The following JPH1 variants were observed in gnomAD, a reference collection of about 807,000 sequenced individuals.
JPH1 encodes the protein junctophilin 1, also known as junctophilin-1.
In JPH1, 12 loss-of-function variants were observed where a neutral mutation model predicts 53.6. That is an observed-to-expected ratio of 0.22 (90% confidence interval 0.14 to 0.36). The LOEUF is 0.36. Among genes scored for constraint, JPH1 ranks in the 10% least tolerant of loss-of-function variants. The probability of loss-of-function intolerance (pLI) is 1.00; values close to 1 mark genes in which losing one functional copy is unlikely to be tolerated. For missense variants in JPH1, 808 were observed against 905.5 expected, an observed-to-expected ratio of 0.89 and a Z score of 1.38; for synonymous variants, 375 against 363.8, an observed-to-expected ratio of 1.03 and a Z score of -0.35.
Position 74,321,250 on chromosome 8 carries a change from G to A in JPH1, c.38C>T (p.Thr13Ile). ...GGRFDFDDGG[T>I]YCGGWEEGKA... ...GCCCTCCTCCCAGCCGCCGCAGTAGGTGCCGCCATCGTCGAAGTCGAACCT... is the reference window on the plus strand; with the variant it reads ...GCCCTCCTCCCAGCCGCCGCAGTAGATGCCGCCATCGTCGAAGTCGAACCT... The change falls in exon 1 of 6, where the codon ACC becomes ATC. Residue 13 changes from threonine to isoleucine, a missense_variant. Thr to Ile is a moderately conservative substitution (Grantham distance 89). This residue lies in a region of JPH1 where 52 missense variants were observed against 93.6 expected (regional missense o/e 0.56). Transcript: ENST00000342232. This position sits in a 1 kb window ranked among gnomAD's most constrained non-coding sequence, Gnocchi z 4.3. The A allele has an allele frequency of 6.2e-7, 1 of 1,603,010 alleles. No homozygotes were observed. The highest frequency in any genetic ancestry group is 8.5e-7 in the Non-Finnish European group (1 of 1,174,814).
At chr8:74,274,618 T>C (rs1806796182) in intron 2 of JPH1, among the ~76,000 whole-genome samples, 1 of 152,206 alleles carries the variant, frequency 6.6e-6, no homozygotes, top group South Asian at 2.1e-4. Context: ...AGTTATACTG[T>C]TGCTTCGAGA....
In JPH1 at chr8:74,285,615, C is replaced by A. The variant is rs998726729; in HGVS notation, c.1140-26112G>T. 4.9e-5 allele frequency among the ~76,000 whole-genome samples: 7 copies of A among 143,260 alleles called. No individual in the cohort carries two copies. The South Asian group carries it at 6.5e-4, about 13-fold the overall frequency. 94.0% of individuals were successfully genotyped at this position (143,260 alleles called of 152,430 possible). A position where few individuals can be genotyped will look rare whatever the true frequency, so the allele number is the denominator to read the frequency against. ...AACTGACATGAGGCTATTTATGATTCTTCTTTATCCCACCTAGTGTGATTA... is the reference window on the plus strand; with the variant it reads ...AACTGACATGAGGCTATTTATGATTATTCTTTATCCCACCTAGTGTGATTA... On this transcript the variant is annotated intron_variant, in intron 2 of 5. Coordinates refer to ENST00000342232, the MANE Select transcript of JPH1 (RefSeq NM_020647.4).
intron 2 of JPH1, among the ~76,000 whole-genome samples, chr8:74,273,535 C>T (rs1425267197): frequency 6.6e-6 from 1 of 152,168 alleles, no homozygotes; most frequent in Admixed American, 6.5e-5. Flanking sequence ...ACTAGCACTG[C>T]CTTGACAACA....
intron 4 of JPH1, among the ~76,000 whole-genome samples, chr8:74,238,435 T>A (rs1302998448): frequency 6.6e-6 from 1 of 152,172 alleles, no homozygotes. Context: ...GAGGTCAGAG[T>A]GCCCTGCTCT....
intron 3 of JPH1, among the ~76,000 whole-genome samples, chr8:74,256,470 C>T (rs1806237828): frequency 6.6e-6 from 1 of 150,848 alleles, no homozygotes; most frequent in Non-Finnish European, 1.5e-5. Flanking sequence ...TGCAGCACAC[C>T]AACATGGCAC....
chr8:74,287,008 T>C (rs1165936637), intron 2 of JPH1, among the ~76,000 whole-genome samples: 1 of 152,230 alleles, frequency 6.6e-6, no homozygotes, highest in African/African-American at 2.4e-5. Context: ...ATGTAGGAGA[T>C]AGAACCCTAG....
intron 2 of JPH1, among the ~76,000 whole-genome samples, chr8:74,291,992 C>T (rs1231477547): frequency 3.9e-5 from 6 of 152,088 alleles, no homozygotes; most frequent in Non-Finnish European, 7.3e-5. Context: ...CACTTGTACA[C>T]AGAGTGGGGA....
intron 2 of JPH1, among the ~76,000 whole-genome samples, chr8:74,283,701 A>T (rs1020092791): frequency 1.3e-5 from 2 of 152,362 alleles, no homozygotes; most frequent in African/African-American, 4.8e-5. Context: ...TTCTTTTAAC[A>T]GCGTGCTGAG....
intron 2 of JPH1, among the ~76,000 whole-genome samples, chr8:74,288,583 C>T (rs752521640): frequency 3.3e-5 from 5 of 151,782 alleles, no homozygotes; most frequent in African/African-American, 4.8e-5. Flanking sequence ...GACAAGAAAA[C>T]GCAAGAGGGA....
intron 1 of JPH1, among the ~76,000 whole-genome samples, chr8:74,317,652 A>G (rs773314510): frequency 6.6e-6 from 1 of 152,216 alleles, no homozygotes; most frequent in South Asian, 2.1e-4. Flanking sequence ...AAAGAATGCT[A>G]TAATCACATC....
At chr8:74,295,480 T>C (rs977872339) in intron 2 of JPH1, among the ~76,000 whole-genome samples, 4 of 152,210 alleles carry the variant, frequency 2.6e-5, no homozygotes, top group African/African-American at 9.6e-5. Flanking sequence ...TGTAACAGTT[T>C]ATTTAGCACC....
chr8:74,312,849 A>T (rs550839815), intron 2 of JPH1, among the ~76,000 whole-genome samples: 1 of 152,016 alleles, frequency 6.6e-6, no homozygotes, highest in Non-Finnish European at 1.5e-5. Flanking sequence ...TTTTAAACAT[A>T]GCTAAGTAAC....
At chr8:74,297,944 ATT>A (rs1198474978) in intron 2 of JPH1, among the ~76,000 whole-genome samples, 2 of 152,208 alleles carry the variant, frequency 1.3e-5, no homozygotes, top group Non-Finnish European at 2.9e-5. Context: ...CTTGTCTAGC[ATT>A]TTGTCTTAAT....
chr8:74,308,174 T>A (rs555342902), intron 2 of JPH1, among the ~76,000 whole-genome samples: 2 of 152,342 alleles, frequency 1.3e-5, no homozygotes, highest in Admixed American at 1.3e-4. Context: ...ATACAAAAGC[T>A]AAGCCAATGT....
In JPH1 at chr8:74,315,316, G is replaced by A; in HGVS notation, c.684C>T (p.Ser228=). 1.2e-6 allele frequency: 2 copies of A among 1,613,896 alleles called. No individual in the cohort carries two copies. Among genetic ancestry groups the A allele is most frequent in the Non-Finnish European group, 1.7e-6 (2 of 1,180,028 alleles). ...TGCGCTTGCTCGAGATGGAAGACTTGGATTCGGACTTGCGAAGTTTCATGC... is the reference window on the plus strand; with the variant it reads ...TGCGCTTGCTCGAGATGGAAGACTTAGATTCGGACTTGCGAAGTTTCATGC... ...LGSMKLRKSE[S]KSSISSKRSS... is the part of the protein sequence containing the mutation. The change falls in exon 2 of 6, where the codon TCC becomes TCT. Residue 228 remains serine, a synonymous_variant. Coordinates refer to ENST00000342232, the MANE Select transcript of JPH1 (RefSeq NM_020647.4). This position sits in a 1 kb window ranked among gnomAD's most constrained non-coding sequence, Gnocchi z 6.3.
chr8:74,263,109 C>T (rs527708582), intron 2 of JPH1, among the ~76,000 whole-genome samples: 1 of 152,304 alleles, frequency 6.6e-6, no homozygotes, highest in Non-Finnish European at 1.5e-5. Context: ...GCATACTCTC[C>T]TCCTGCTAAG....
chr8:74,254,213 T>A (rs1806150473), intron 3 of JPH1, among the ~76,000 whole-genome samples: 1 of 152,096 alleles, frequency 6.6e-6, no homozygotes, highest in Non-Finnish European at 1.5e-5. Flanking sequence ...GTGGGCTTCA[T>A]CCCTGGGATG....
chr8:74,272,694 C>T (rs1318173099), intron 2 of JPH1, among the ~76,000 whole-genome samples: 4 of 151,356 alleles, frequency 2.6e-5, no homozygotes, highest in Non-Finnish European at 4.4e-5. Flanking sequence ...AGCTCCGCCT[C>T]CCGGGTTCAC....
chr8:74,268,505 G>A (rs1194084481), intron 2 of JPH1, among the ~76,000 whole-genome samples: 1 of 152,072 alleles, frequency 6.6e-6, no homozygotes, highest in African/African-American at 2.4e-5. Flanking sequence ...AATAGACAGC[G>A]TGAAGTTAGG....
Sources: allele counts gnomAD v4.1 joint callset (sites outside exome capture counted in the v4.1 genomes callset), GRCh38; gene constraint gnomAD v4.1.1; regional missense constraint gnomAD v4.1.1; non-coding constraint Gnocchi (gnomAD v3.1); transcripts MANE v1.5; gene names NCBI Gene and HGNC (gene_info 2026-07-23, HGNC 2026-07-21).